CHCHD6: variants seen among roughly 807,000 people sequenced by gnomAD.
CHCHD6 encodes coiled-coil-helix-coiled-coil-helix domain containing 6.
Under a neutral mutation model 32.3 loss-of-function variants are expected in CHCHD6, and 28 were observed. The observed-to-expected ratio is 0.87, with a 90% CI of 0.64 to 1.19. The LOEUF (loss-of-function observed/expected upper bound fraction) is 1.19. CHCHD6 is among the 50% of genes most tolerant of loss of function. CHCHD6 has a pLI of 0.00. For missense variants in CHCHD6, 333 were observed against 307.0 expected (o/e 1.08, Z -0.63); for synonymous variants, 122 against 117.5 (o/e 1.04, Z -0.25).
intron 5 of CHCHD6, among the ~76,000 whole-genome samples, chr3:126,900,977 T>C (rs954923564): frequency 6.6e-6 from 1 of 152,076 alleles, no homozygotes; most frequent in Non-Finnish European, 1.5e-5. Context: ...ACTAAGCCAT[T>C]CATGGGGGAT....
intron 6 of CHCHD6, among the ~76,000 whole-genome samples, chr3:126,942,710 C>G (rs543945612): frequency 2.0e-5 from 3 of 152,162 alleles, no homozygotes; most frequent in Non-Finnish European, 4.4e-5. Flanking sequence ...GAGCCACATT[C>G]CTTCTGTTGG....
At chr3:126,899,663 G>A (rs2077893831) in intron 5 of CHCHD6, among the ~76,000 whole-genome samples, 1 of 152,156 alleles carries the variant, frequency 6.6e-6, no homozygotes, top group Non-Finnish European at 1.5e-5. Context: ...GGGCTTCAGA[G>A]AGCACAGCTC....
At chr3:126,907,313 A>T (rs1009927160) in intron 5 of CHCHD6, among the ~76,000 whole-genome samples, 29 of 152,344 alleles carry the variant, frequency 1.9e-4, no homozygotes, top group Admixed American at 1.7e-3. Context: ...ATGACAGCAC[A>T]GTAGGGCATA....
At chr3:126,757,986 C>T (rs1937025529) in intron 4 of CHCHD6, among the ~76,000 whole-genome samples, 1 of 152,194 alleles carries the variant, frequency 6.6e-6, no homozygotes, top group African/African-American at 2.4e-5. Context: ...TGGATGAACC[C>T]ACTCTCAGGT....
At chr3:126,865,967 G>A (rs2107564455) in intron 5 of CHCHD6, among the ~76,000 whole-genome samples, 1 of 152,286 alleles carries the variant, frequency 6.6e-6, no homozygotes, top group African/African-American at 2.4e-5. Context: ...GCTTTGCTAA[G>A]TACAGTGCCC....
intron 1 of CHCHD6, among the ~76,000 whole-genome samples, chr3:126,708,402 C>G (rs1427747188): frequency 1.3e-5 from 2 of 152,160 alleles, no homozygotes; most frequent in Non-Finnish European, 2.9e-5. Context: ...AGGCCAGACT[C>G]AGGGCCCAAA....
Position 126,824,560 on chromosome 3 carries a change from CAAAAA to C in CHCHD6, c.412-28070_412-28066del, listed in dbSNP as rs71150454. On this transcript the variant is annotated intron_variant, in intron 4 of 7. Transcript: ENST00000290913. ...TAGGTGATAGAGCAAGACTCTGTCTCAAAAAAAAAAAAAAAAAAAAAGTCAAATGT... is the reference window on the plus strand; with the variant it reads ...TAGGTGATAGAGCAAGACTCTGTCTCAAAAAAAAAAAAAAAAGTCAAATGT... 1.8e-4 allele frequency among the ~76,000 whole-genome samples: 7 copies of C among 39,998 alleles called. No homozygotes were observed. The South Asian group carries it at 7.4e-3, about 42-fold the overall frequency. 26.2% of individuals were successfully genotyped at this position (39,998 alleles called of 152,430 possible).
chr3:126,877,712 T>C (rs574313522), intron 5 of CHCHD6, among the ~76,000 whole-genome samples: 2 of 152,156 alleles, frequency 1.3e-5, no homozygotes, highest in African/African-American at 2.4e-5. Flanking sequence ...CAAGCACAAA[T>C]GAGTGTGTAT....
chr3:126,729,119 C>T (rs549009375), intron 2 of CHCHD6, among the ~76,000 whole-genome samples: 3 of 151,332 alleles, frequency 2.0e-5, no homozygotes, highest in East Asian at 1.9e-4. Flanking sequence ...TCATATTAAA[C>T]GAAGAAACCT....
intron 1 of CHCHD6, among the ~76,000 whole-genome samples, chr3:126,715,997 C>T (rs1038463842): frequency 6.6e-6 from 1 of 152,210 alleles, no homozygotes; most frequent in Non-Finnish European, 1.5e-5. Context: ...GTCACTGCTT[C>T]AGTTGTCACA....
At chr3:126,919,301 ATTTCT>A (rs1416921311) in intron 6 of CHCHD6, among the ~76,000 whole-genome samples, 1 of 116,746 alleles carries the variant, frequency 8.6e-6, no homozygotes, top group African/African-American at 3.0e-5. Flanking sequence ...TTTTTCTACT[ATTTCT>A]TTTCTTTTTT....
intron 4 of CHCHD6, among the ~76,000 whole-genome samples, chr3:126,851,317 A>G (rs1941467792): frequency 6.6e-6 from 1 of 152,158 alleles, no homozygotes; most frequent in African/African-American, 2.4e-5. Flanking sequence ...ACTTGGGTTC[A>G]TGTCTTACCC....
intron 4 of CHCHD6, among the ~76,000 whole-genome samples, chr3:126,738,202 T>C (rs973524796): frequency 2.6e-5 from 4 of 152,126 alleles, no homozygotes; most frequent in African/African-American, 9.7e-5. Flanking sequence ...CTGGATACAG[T>C]TGGCCCTCCC....
chr3:126,762,052 C>G (rs185462258), intron 4 of CHCHD6, among the ~76,000 whole-genome samples: 72 of 152,164 alleles, frequency 4.7e-4, no homozygotes, highest in Admixed American at 2.6e-3. Flanking sequence ...CTTTGTCAGT[C>G]TTGCTAAAGG....
intron 6 of CHCHD6, among the ~76,000 whole-genome samples, chr3:126,920,441 T>C (rs890329536): frequency 2.6e-5 from 4 of 152,160 alleles, no homozygotes; most frequent in African/African-American, 9.7e-5. Flanking sequence ...TCCCCAGAGA[T>C]GCCTAGGGAT....
At chr3:126,754,050 G>C (rs545458316) in intron 4 of CHCHD6, among the ~76,000 whole-genome samples, 1 of 152,190 alleles carries the variant, frequency 6.6e-6, no homozygotes, top group South Asian at 2.1e-4. Context: ...CTGTTACCCT[G>C]ATCTGTAATC....
chr3:126,758,358 T>C (rs1374758142), intron 4 of CHCHD6, among the ~76,000 whole-genome samples: 2 of 152,236 alleles, frequency 1.3e-5, no homozygotes, highest in Non-Finnish European at 2.9e-5. Context: ...ATTATGTAAA[T>C]GGCATTACAA....
chr3:126,864,728 C>T lies in CHCHD6; in HGVS notation c.495+11998C>T, dbSNP rs550293017. 3.0e-3 allele frequency among the ~76,000 whole-genome samples: 442 copies of T among 147,528 alleles called. 1 individual carries two copies. Among genetic ancestry groups the T allele is most frequent in the Middle Eastern group, 7.4e-3 (2 of 272 alleles). On this transcript the variant is annotated intron_variant, in intron 5 of 7. Transcript: ENST00000290913. ...TCCTCTTCCTCCTCCACCATCATCT[C>T]CTCTTCCTCCTCCACCATCATCTAC...
At chr3:126,812,684 AG>A (rs1352983059) in intron 4 of CHCHD6, among the ~76,000 whole-genome samples, 1 of 151,846 alleles carries the variant, frequency 6.6e-6, no homozygotes, top group Non-Finnish European at 1.5e-5. Context: ...TGCCTACCTC[AG>A]CCTCCCACAG....
Sources: gnomAD v4.1 joint callset for allele counts (sites outside exome capture counted in the v4.1 genomes callset) on GRCh38, gnomAD v4.1.1 for gene constraint, MANE v1.5 for transcripts, NCBI Gene and HGNC (gene_info 2026-07-23, HGNC 2026-07-21) for gene names.